Variants in VPS33A observed in about 807,000 individuals in gnomAD.
VPS33A encodes vacuolar protein sorting-associated protein 33A.
In VPS33A, 32 loss-of-function variants were observed where a neutral mutation model predicts 71.8. The ratio of observed to expected loss-of-function variants is 0.45; its 90% confidence interval spans 0.34 to 0.60. The LOEUF is 0.60. Ranked by LOEUF, VPS33A falls within the 20% of genes least tolerant of loss-of-function variation. VPS33A has a pLI of 0.02. For synonymous variants in VPS33A, 311 were observed against 292.7 expected, an observed-to-expected ratio of 1.06 and a Z score of -0.64; for missense variants, 625 against 748.5, an observed-to-expected ratio of 0.84 and a Z score of 1.92.
At position 122,242,499 on chromosome 12, in the gene VPS33A, T is replaced by C. The variant is rs1330826112; in HGVS notation, c.979A>G (p.Asn327Asp). The C allele has an allele frequency of 6.2e-7, 1 of 1,609,822 alleles. No homozygotes were observed. Among genetic ancestry groups the C allele is most frequent in the Non-Finnish European group, 8.5e-7 (1 of 1,176,640 alleles). The change falls in exon 8 of 13, where the codon AAT becomes GAT. Residue 327 changes from asparagine (N) to aspartate (D), a missense_variant. Coordinates refer to ENST00000267199, the MANE Select transcript of VPS33A (RefSeq NM_022916.6). ...TTGATCTCCCCCACGGTCTTAGCAT[T>C]GTGTCTTTCCTGAAATAAACAAGAG... ...IISAAFEERH[N>D]AKTVGEIKQF... is the part of the protein sequence containing the mutation.
At chr12:122,249,788 G>T in intron 6 of VPS33A, 83 bp downstream of exon 6, 1 of 1,280,312 alleles carries the variant, frequency 7.8e-7, no homozygotes, top group Non-Finnish European at 1.1e-6. Flanking sequence ...TTATGCTTAA[G>T]TGTGCAATAT....
At chr12:122,246,350 A>G (rs61954370) in intron 6 of VPS33A, among the ~76,000 whole-genome samples, 13,356 of 151,904 alleles carry the variant, frequency 0.088, 768 homozygotes, top group African/African-American at 0.16. Context: ...CCCAGGCTGG[A>G]GTGCAGTGGC....
chr12:122,238,408 A>G (rs1268790756), intron 10 of VPS33A, among the ~76,000 whole-genome samples, 179 bp downstream of exon 10: 1 of 151,960 alleles, frequency 6.6e-6, no homozygotes, highest in Admixed American at 6.6e-5. Context: ...TTTAATAGAG[A>G]TGGGGGTTTC....
At chr12:122,266,207 C>T (rs1402640123) in intron 1 of VPS33A, 100 bp downstream of exon 1, 12 of 1,516,044 alleles carry the variant, frequency 7.9e-6, no homozygotes, top group East Asian at 4.7e-5. Context: ...TTGGAAGCCC[C>T]AAGGACCTCA....
chr12:122,251,782 G>C (rs1346973720), intron 4 of VPS33A, among the ~76,000 whole-genome samples: 1 of 151,958 alleles, frequency 6.6e-6, no homozygotes, highest in Non-Finnish European at 1.5e-5. Flanking sequence ...CGTGGGGTGG[G>C]GGAAGGGGGG....
At chr12:122,264,785 G>A (rs1955045186) in intron 1 of VPS33A, 1 of 152,118 alleles carries the variant, frequency 6.6e-6, no homozygotes, top group Non-Finnish European at 1.5e-5. Flanking sequence ...TTGGTCCTGA[G>A]AAAGGAGTTA....
intron 4 of VPS33A, among the ~76,000 whole-genome samples, chr12:122,254,044 A>G (rs564727606): frequency 2.0e-5 from 3 of 152,208 alleles, no homozygotes; most frequent in East Asian, 1.9e-4. Context: ...CACACAGCAG[A>G]ATACCTTGCA....
chr12:122,256,356 T>C lies in VPS33A; in HGVS notation c.483+4905A>G, dbSNP rs552028190. On this transcript the variant is annotated intron_variant, in intron 4 of 12. Transcript: ENST00000267199. ...TGGGAGGCTGAGGCAGGCAGATCTC[T>C]TGAGGTCAGGAGTTCGAGACCAGCC... Among the ~76,000 whole-genome samples the C allele has an allele frequency of 2.0e-5, 3 of 151,910 alleles. No individual in the cohort carries two copies. The East Asian group carries it at 5.8e-4, about 29-fold the overall frequency.
chr12:122,236,059 T>G, intron 10 of VPS33A, 136 bp from the exon 11 acceptor site: 1 of 1,093,618 alleles, frequency 9.1e-7, no homozygotes, highest in Non-Finnish European at 1.3e-6. Flanking sequence ...TGTTAGTGGA[T>G]GGGCACAGAG....
intron 6 of VPS33A, among the ~76,000 whole-genome samples, chr12:122,246,334 C>G (rs1380224098): frequency 1.3e-5 from 2 of 149,644 alleles, no homozygotes; most frequent in African/African-American, 4.9e-5. Context: ...GAGTCTCGCT[C>G]TCTCGCCCAG....
chr12:122,266,201 A>C (rs971639625), intron 1 of VPS33A, 106 bp downstream of exon 1: 50 of 1,466,558 alleles, frequency 3.4e-5, no homozygotes, highest in Admixed American at 2.2e-5. Flanking sequence ...GCCTCCTTGG[A>C]AGCCCCAAGG....
At chr12:122,258,454 T>C (rs1302906802) in intron 4 of VPS33A, among the ~76,000 whole-genome samples, 2 of 152,072 alleles carry the variant, frequency 1.3e-5, no homozygotes, top group East Asian at 3.9e-4. Flanking sequence ...TTGGAAATCA[T>C]GTATCTGAGG....
intron 7 of VPS33A, among the ~76,000 whole-genome samples, chr12:122,243,152 A>C (rs1330198745): frequency 6.6e-6 from 1 of 152,196 alleles, no homozygotes; most frequent in East Asian, 1.9e-4. Flanking sequence ...CAAATTTCTG[A>C]GTAAAAAACT....
At chr12:122,251,149 GC>G (rs768119426) in intron 4 of VPS33A, 50 bp from the exon 5 acceptor site, 4 of 1,273,606 alleles carry the variant, frequency 3.1e-6, no homozygotes, top group Non-Finnish European at 4.5e-6. Flanking sequence ...CCTCCCAGGG[GC>G]CCATCTCTGT....
intron 4 of VPS33A, 23 bp from the exon 5 acceptor site, chr12:122,251,122 T>C (rs202227570): frequency 2.8e-5 from 44 of 1,582,074 alleles, no homozygotes; most frequent in Non-Finnish European, 2.6e-5. Context: ...AGGCCAATTA[T>C]TGCCAGGCCA....
chr12:122,264,279 G>A, intron 1 of VPS33A, 80 bp from the exon 2 acceptor site: 2 of 1,101,508 alleles, frequency 1.8e-6, no homozygotes, highest in Non-Finnish European at 2.6e-6. Context: ...AGCCTAACAG[G>A]AGGAGTATTT....
chr12:122,263,596 T>C lies in VPS33A; in HGVS notation c.272A>G (p.Asp91Gly). 6.2e-7 allele frequency: 1 copy of C among 1,610,806 alleles called. No homozygotes were observed. The highest frequency in any genetic ancestry group is 8.5e-7 in the Non-Finnish European group (1 of 1,178,224). Reference protein sequence around the residue: ...FFVRPRLELMDIIAENVLSED... With the variant: ...FFVRPRLELMGIIAENVLSED... ...CCTGAGCACGTTTTCAGCGATTATA[T>C]CCATCAACTCTAGCCTGGGTCTGAC... Residue 91 changes from aspartate (D) to glycine (G), a missense_variant, in exon 3 of 13, where the codon GAT (aspartate) becomes GGT (glycine). By Grantham distance (94) the Asp-to-Gly change is moderately conservative. Transcript: ENST00000267199.
intron 5 of VPS33A, 109 bp from the exon 6 acceptor site, chr12:122,250,154 G>C (rs1954824577): frequency 8.4e-7 from 1 of 1,195,742 alleles, no homozygotes. Flanking sequence ...AGAAAAACTG[G>C]AAGAGTGCAT....
At position 122,232,061 on chromosome 12, in the gene VPS33A, G is replaced by GAA; in HGVS notation, c.*183_*184dup. 45 of 466,146 alleles carry GAA rather than the reference G, an allele frequency of 9.7e-5. No homozygotes were observed. The highest frequency in any genetic ancestry group is 3.6e-4 in the South Asian group (9 of 25,274). The allele number at this position is 466,146 out of a possible 1,614,324, so 28.9% of individuals were successfully genotyped here. On this transcript the variant is annotated 3_prime_UTR_variant, in exon 13 of 13. Coordinates refer to ENST00000267199, the MANE Select transcript of VPS33A (RefSeq NM_022916.6). ...GACAGAGCAAGACTCCGTCTCAAAG[G>GAA]AAAAAAAAAAAGGGAATACAAAAGA...
Sources: gnomAD v4.1 joint callset for allele counts (sites outside exome capture counted in the v4.1 genomes callset) on GRCh38, gnomAD v4.1.1 for gene constraint, MANE v1.5 for transcripts, NCBI Gene and HGNC (gene_info 2026-07-23, HGNC 2026-07-21) for gene names.